DNAH11: variants seen among roughly 807,000 people sequenced by gnomAD.
The protein encoded by DNAH11 is axonemal beta dynein heavy chain 11.
A neutral mutation model predicts 526.0 loss-of-function variants in DNAH11; 442 were observed. The ratio of observed to expected loss-of-function variants is 0.84; its 90% confidence interval spans 0.78 to 0.91. The LOEUF is 0.91. DNAH11 is among the 40% of genes least tolerant of loss of function. DNAH11 has a pLI of 0.00. For synonymous variants in DNAH11, 2,461 were observed against 1,935.9 expected, an observed-to-expected ratio of 1.27 and a Z score of -7.12; for missense variants, 6,989 against 5,448.7, an observed-to-expected ratio of 1.28 and a Z score of -8.90.
At chr7:21,699,236 TG>T (rs1218626260) in intron 36 of DNAH11, among the ~76,000 whole-genome samples, 1 of 152,182 alleles carries the variant, frequency 6.6e-6, no homozygotes, top group Non-Finnish European at 1.5e-5. Flanking sequence ...ACTGGTTTTT[TG>T]TTCTTTTAAA....
intron 63 of DNAH11, among the ~76,000 whole-genome samples, chr7:21,809,568 A>G (rs748038632): frequency 2.0e-5 from 3 of 151,276 alleles, no homozygotes; most frequent in Non-Finnish European, 4.4e-5. Flanking sequence ...TGTTTGTTAT[A>G]TTTTGTTTTT....
chr7:21,831,907 A>G (rs1237928383), intron 65 of DNAH11, among the ~76,000 whole-genome samples: 1 of 152,112 alleles, frequency 6.6e-6, no homozygotes, highest in African/African-American at 2.4e-5. Context: ...TTGACCAGCA[A>G]GGTGAAACCC....
chr7:21,771,573 G>A (rs559726241), intron 55 of DNAH11, among the ~76,000 whole-genome samples: 11 of 152,262 alleles, frequency 7.2e-5, no homozygotes, highest in Admixed American at 2.6e-4. Context: ...TTGATTATGC[G>A]TTGGAGACAG....
chr7:21,851,925 G>A (rs1463310465), intron 66 of DNAH11, among the ~76,000 whole-genome samples: 1 of 152,084 alleles, frequency 6.6e-6, no homozygotes, highest in Non-Finnish European at 1.5e-5. Context: ...TCTTCCTGTG[G>A]TTCATGATGT....
intron 8 of DNAH11, among the ~76,000 whole-genome samples, chr7:21,575,851 A>G (rs1784072442): frequency 6.6e-6 from 1 of 152,228 alleles, no homozygotes; most frequent in Non-Finnish European, 1.5e-5. Context: ...ATATTTTGGC[A>G]GTCATTCTGT....
At chr7:21,590,851 A>C (rs1784647356) in intron 12 of DNAH11, 67 bp from the exon 13 acceptor site, 1 of 963,550 alleles carries the variant, frequency 1.0e-6, no homozygotes, top group African/African-American at 1.7e-5. Flanking sequence ...ATTTCAAGTT[A>C]AACTTGAGTT....
chr7:21,688,674 G>A (rs748980581), intron 34 of DNAH11, among the ~76,000 whole-genome samples: 5 of 152,190 alleles, frequency 3.3e-5, no homozygotes, highest in Non-Finnish European at 7.3e-5. Context: ...TTCTTTGCTA[G>A]TTGTCTCATC....
At chr7:21,853,337 G>A (rs1348783767) in intron 67 of DNAH11, among the ~76,000 whole-genome samples, 2 of 152,168 alleles carry the variant, frequency 1.3e-5, no homozygotes, top group African/African-American at 4.8e-5. Context: ...AGCAGAAGCT[G>A]TGTCACTACG....
chr7:21,869,193 C>A (rs1428616020), intron 73 of DNAH11, among the ~76,000 whole-genome samples: 1 of 152,200 alleles, frequency 6.6e-6, no homozygotes, highest in Non-Finnish European at 1.5e-5. Flanking sequence ...TTCTGAGAGA[C>A]TGTCTAGCCA....
chr7:21,897,171 C>T (rs529716609), intron 79 of DNAH11, among the ~76,000 whole-genome samples: 8 of 152,192 alleles, frequency 5.3e-5, no homozygotes, highest in South Asian at 2.1e-4. Context: ...TTCCTGTTTT[C>T]GTTTTTATGA....
intron 21 of DNAH11, 37 bp downstream of exon 21, chr7:21,615,309 G>A (rs1785719080): frequency 6.2e-7 from 1 of 1,600,828 alleles, no homozygotes; most frequent in Non-Finnish European, 8.5e-7. Context: ...TTTTTATTTA[G>A]TAGTTCTTTT....
intron 25 of DNAH11, among the ~76,000 whole-genome samples, chr7:21,620,980 T>C (rs1283976714): frequency 6.6e-6 from 1 of 152,070 alleles, no homozygotes; most frequent in Non-Finnish European, 1.5e-5. Context: ...GACATTTGGG[T>C]TGGTTCCAAG....
intron 63 of DNAH11, among the ~76,000 whole-genome samples, chr7:21,809,485 A>G (rs928421240): frequency 2.0e-4 from 31 of 152,122 alleles, no homozygotes; most frequent in Admixed American, 1.0e-3. Context: ...TAGTTGTTTT[A>G]TAGTTTCAGG....
At chr7:21,774,367 A>G (rs879190548) in intron 56 of DNAH11, among the ~76,000 whole-genome samples, 4 of 151,942 alleles carry the variant, frequency 2.6e-5, no homozygotes, top group Admixed American at 2.6e-4. Context: ...CAGATTCTCA[A>G]CCTCCAGTGA....
At chr7:21,873,013 C>T (rs1251963127) in intron 73 of DNAH11, among the ~76,000 whole-genome samples, 2 of 151,376 alleles carry the variant, frequency 1.3e-5, no homozygotes, top group Non-Finnish European at 2.9e-5. Flanking sequence ...ATGTGTATTG[C>T]GTGGAGATTT....
At chr7:21,757,656 C>A (rs1020262820) in intron 54 of DNAH11, among the ~76,000 whole-genome samples, 1 of 152,246 alleles carries the variant, frequency 6.6e-6, no homozygotes, top group South Asian at 2.1e-4. Flanking sequence ...TTCCTCTTTG[C>A]ACGTAGAGAC....
In DNAH11 at chr7:21,750,898, A is replaced by G. The variant is rs531063494; in HGVS notation, c.8940+534A>G. Reference sequence around the variant, plus strand: ...ACATAGAGTTCTTATAGGGAGAGTGAGATCAGTAAATCTGGAAAAGTAAAT... The same window carrying G: ...ACATAGAGTTCTTATAGGGAGAGTGGGATCAGTAAATCTGGAAAAGTAAAT... On this transcript the variant is annotated intron_variant, in intron 54 of 81. Coordinates refer to ENST00000409508, the MANE Select transcript of DNAH11 (RefSeq NM_001277115.2). Among the ~76,000 whole-genome samples, 3 of 152,336 alleles carry G rather than the reference A, an allele frequency of 2.0e-5. No individual in the cohort carries two copies. The South Asian group carries it at 6.2e-4, about 32-fold the overall frequency.
In DNAH11 at chr7:21,594,018, T is replaced by A. The variant is rs868758286; in HGVS notation, c.2667+2441T>A. ...TTCCTCTCACATATCACACACACACTCACACACACTCTTTCTCCCTCATGC... is the reference window on the plus strand; with the variant it reads ...TTCCTCTCACATATCACACACACACACACACACACTCTTTCTCCCTCATGC... On this transcript the variant is annotated intron_variant, in intron 14 of 81. Transcript: ENST00000409508. Among the ~76,000 whole-genome samples the A allele has an allele frequency of 5.6e-3, 802 of 143,910 alleles. 13 individuals are homozygous for A. Among genetic ancestry groups the A allele is most frequent in the African/African-American group, 0.019 (727 of 39,036 alleles). 94.4% of individuals were successfully genotyped at this position (143,910 alleles called of 152,430 possible).
In DNAH11 at chr7:21,655,072, C is replaced by CA. The variant is rs1781957330; in HGVS notation, c.4945-760_4945-759insA. Among the ~76,000 whole-genome samples the CA allele has an allele frequency of 3.3e-5, 5 of 150,448 alleles. No homozygotes were observed. The South Asian group carries it at 6.5e-4, about 20-fold the overall frequency. On this transcript the variant is annotated intron_variant, in intron 28 of 81. Coordinates refer to ENST00000409508, the MANE Select transcript of DNAH11 (RefSeq NM_001277115.2). Reference sequence around the variant, plus strand: ...ATCTTTGTTGTTGTTGGTTTTCCCCCCCCACCCCCAAATTGTCTGGAGCCT... The same window carrying CA: ...ATCTTTGTTGTTGTTGGTTTTCCCCCACCCACCCCCAAATTGTCTGGAGCCT...
Sources: gnomAD v4.1 joint callset for allele counts (sites outside exome capture counted in the v4.1 genomes callset) on GRCh38, gnomAD v4.1.1 for gene constraint, MANE v1.5 for transcripts, NCBI Gene and HGNC (gene_info 2026-07-23, HGNC 2026-07-21) for gene names.